The following PKP4 variants were observed in gnomAD, a reference collection of about 807,000 sequenced individuals.
PKP4 encodes the protein plakophilin 4.
In PKP4, 90 loss-of-function variants were observed where a neutral mutation model predicts 145.1. The observed-to-expected ratio is 0.62, with a 90% CI of 0.52 to 0.74. The LOEUF is 0.74. PKP4 is among the 30% of genes least tolerant of loss of function. PKP4 has a pLI of 0.00. For synonymous variants in PKP4, 563 were observed against 577.2 expected, an observed-to-expected ratio of 0.98 and a Z score of 0.35; for missense variants, 1,340 against 1,482.7, an observed-to-expected ratio of 0.90 and a Z score of 1.58.
intron 21 of PKP4, chr2:158,679,371 CCTT>C (rs1478662652): frequency 6.6e-5 from 10 of 152,328 alleles, no homozygotes; most frequent in Admixed American, 3.3e-4. Context: ...TAAGACCTCT[CCTT>C]CTCGTCATCT....
At chr2:158,502,146 T>TA (rs571104294) in intron 1 of PKP4, among the ~76,000 whole-genome samples, 1 of 152,178 alleles carries the variant, frequency 6.6e-6, no homozygotes, top group South Asian at 2.1e-4. Context: ...CTTGGATTTT[T>TA]AAAAAATCAT....
Position 158,621,236 on chromosome 2 carries a change from T to G in PKP4, c.418T>G (p.Leu140Val). Residue 140 changes from leucine to valine, a missense_variant, in exon 6 of 22, where the codon TTG (leucine) becomes GTG (valine). By Grantham distance (32) the Leu-to-Val change is conservative (BLOSUM62 1). Coordinates refer to ENST00000389759, the MANE Select transcript of PKP4 (RefSeq NM_003628.6). ...TCTTGGTTTCATTCTTACAGGATCA[T>G]TGGGTAACTCAAGAAGTTCAACACA... ...QTSLHESEGS[L>V]GNSRSSTQMN... 1 of 1,614,166 alleles carries G rather than the reference T, an allele frequency of 6.2e-7. No homozygotes were observed. The highest frequency in any genetic ancestry group is 8.5e-7 in the Non-Finnish European group (1 of 1,179,976).
chr2:158,503,465 T>C (rs1696877261), intron 1 of PKP4, among the ~76,000 whole-genome samples: 1 of 152,250 alleles, frequency 6.6e-6, no homozygotes, highest in Admixed American at 6.5e-5. Context: ...ATAATATTTT[T>C]GTAAAATGAA....
At chr2:158,479,385 G>A (rs893224062) in intron 1 of PKP4, among the ~76,000 whole-genome samples, 12 of 152,030 alleles carry the variant, frequency 7.9e-5, no homozygotes, top group African/African-American at 2.7e-4. Flanking sequence ...CACCATGCCC[G>A]GTTAATTTTT....
At chr2:158,613,803 A>G (rs906339605) in intron 4 of PKP4, among the ~76,000 whole-genome samples, 1 of 152,188 alleles carries the variant, frequency 6.6e-6, no homozygotes, top group African/African-American at 2.4e-5. Context: ...CTTGACCTGA[A>G]AGCTTTTAGC....
intron 2 of PKP4, among the ~76,000 whole-genome samples, chr2:158,571,159 A>G (rs542838320): frequency 1.3e-5 from 2 of 152,148 alleles, no homozygotes; most frequent in African/African-American, 2.4e-5. Flanking sequence ...TGTAGTAGCT[A>G]TTGCAGCTAC....
At chr2:158,504,959 C>G (rs958046333) in intron 1 of PKP4, among the ~76,000 whole-genome samples, 2 of 152,184 alleles carry the variant, frequency 1.3e-5, no homozygotes, top group African/African-American at 4.8e-5. Flanking sequence ...GCCAAGCCAT[C>G]TGTTTGTATC....
At chr2:158,604,200 C>G (rs553295509) in intron 4 of PKP4, among the ~76,000 whole-genome samples, 1 of 152,118 alleles carries the variant, frequency 6.6e-6, no homozygotes, top group Non-Finnish European at 1.5e-5. Context: ...GGTCCTGCAG[C>G]CTTGGGCTTG....
intron 2 of PKP4, among the ~76,000 whole-genome samples, chr2:158,559,346 T>C (rs1039664568): frequency 5.0e-5 from 6 of 120,396 alleles, no homozygotes; most frequent in African/African-American, 1.9e-4. Flanking sequence ...TGTGTTGTCC[T>C]TTCTTTCCAA....
chr2:158,549,793 G>T (rs543526070), intron 2 of PKP4, among the ~76,000 whole-genome samples: 1 of 152,026 alleles, frequency 6.6e-6, no homozygotes, highest in African/African-American at 2.4e-5. Flanking sequence ...ATTTAATTCC[G>T]ATGATTTTAT....
chr2:158,591,932 T>C (rs1432160624), intron 3 of PKP4, among the ~76,000 whole-genome samples: 2 of 152,114 alleles, frequency 1.3e-5, no homozygotes, highest in Non-Finnish European at 2.9e-5. Context: ...TTCATGTTTC[T>C]TAAAAGAAAC....
At chr2:158,593,262 T>G (rs2105824500) in intron 3 of PKP4, among the ~76,000 whole-genome samples, 1 of 152,254 alleles carries the variant, frequency 6.6e-6, no homozygotes, top group South Asian at 2.1e-4. Flanking sequence ...GGCAGGATAT[T>G]TAGGAAGAGA....
At chr2:158,483,353 C>G (rs1693652734) in intron 1 of PKP4, among the ~76,000 whole-genome samples, 1 of 134,498 alleles carries the variant, frequency 7.4e-6, no homozygotes, top group African/African-American at 2.7e-5. Flanking sequence ...ACAGATTGCT[C>G]TTCATTGCTA....
intron 19 of PKP4, 107 bp from the exon 20 acceptor site, chr2:158,676,632 C>A: frequency 7.5e-7 from 1 of 1,327,672 alleles, no homozygotes; most frequent in Non-Finnish European, 1.1e-6. Flanking sequence ...AGCTGTGTGT[C>A]ATTTCTAGTT....
chr2:158,466,833 T>G (rs1690699252), intron 1 of PKP4, among the ~76,000 whole-genome samples: 1 of 152,236 alleles, frequency 6.6e-6, no homozygotes, highest in Non-Finnish European at 1.5e-5. Context: ...TAGGCACCAA[T>G]CAAGCACCAA....
At chr2:158,504,483 T>C (rs543692196) in intron 1 of PKP4, among the ~76,000 whole-genome samples, 1 of 152,350 alleles carries the variant, frequency 6.6e-6, no homozygotes, top group African/African-American at 2.4e-5. Flanking sequence ...CTGAGGATGG[T>C]TGTCTCACTG....
At chr2:158,515,023 T>A (rs1380869705) in intron 1 of PKP4, among the ~76,000 whole-genome samples, 1 of 152,218 alleles carries the variant, frequency 6.6e-6, no homozygotes, top group Non-Finnish European at 1.5e-5. Flanking sequence ...TAAAATCAAT[T>A]TTTCTGATGT....
In PKP4 at chr2:158,663,086, C is replaced by G; in HGVS notation, c.2401C>G (p.Gln801Glu). The change falls in exon 14 of 22, where the codon CAA (glutamine) becomes GAA (glutamate). Residue 801 changes from glutamine to glutamate, a missense_variant and splice_region_variant. By Grantham distance (29) the Gln-to-Glu change is conservative. Coordinates refer to ENST00000389759, the MANE Select transcript of PKP4 (RefSeq NM_003628.6). ...GAAAAAGAGGACTCCGCAAGAAGAT[C>G]AAGTTAGCATTTTATTTTATATGAG... is the stretch of plus-strand genomic sequence containing the variant. ...KKKKRTPQED[Q>E]WDGVGPIPGL... 6.3e-7 allele frequency: 1 copy of G among 1,599,088 alleles called. No homozygotes were observed. The highest frequency in any genetic ancestry group is 8.5e-7 in the Non-Finnish European group (1 of 1,173,408).
chr2:158,520,469 A>G (rs908620394), intron 1 of PKP4, among the ~76,000 whole-genome samples: 6 of 152,244 alleles, frequency 3.9e-5, no homozygotes, highest in Non-Finnish European at 8.8e-5. Flanking sequence ...AAGTTACTAA[A>G]TACTATTCTA....
Sources: gnomAD v4.1 joint callset for allele counts (sites outside exome capture counted in the v4.1 genomes callset) on GRCh38, gnomAD v4.1.1 for gene constraint, MANE v1.5 for transcripts, NCBI Gene and HGNC (gene_info 2026-07-23, HGNC 2026-07-21) for gene names.